The following EVC2 variants were observed in gnomAD, a reference collection of about 807,000 sequenced individuals.
EVC2 encodes limbin.
Under a neutral mutation model 149.3 loss-of-function variants are expected in EVC2, and 148 were observed. The observed-to-expected ratio is 0.99, with a 90% CI of 0.87 to 1.14. EVC2 has a LOEUF of 1.14. Ranked by LOEUF, EVC2 falls within the 50% of genes most tolerant of loss-of-function variation. The pLI, the probability that EVC2 is intolerant of heterozygous loss-of-function variation, is 0.00. For missense variants in EVC2, 1,854 were observed against 1,627.3 expected, an observed-to-expected ratio of 1.14 and a Z score of -2.40; for synonymous variants, 776 against 649.9, an observed-to-expected ratio of 1.19 and a Z score of -2.95.
the EVC2 span, among the ~76,000 whole-genome samples, chr4:5,536,008 C>A: frequency 6.6e-6 from 1 of 151,982 alleles, no homozygotes; most frequent in Non-Finnish European, 1.5e-5. Context: ...CCCTGTTTAG[C>A]CTCTGCCCAT....
intron 1 of EVC2, among the ~76,000 whole-genome samples, chr4:5,702,917 C>A (rs1721913982): frequency 6.6e-6 from 1 of 152,070 alleles, no homozygotes; most frequent in Non-Finnish European, 1.5e-5. Flanking sequence ...AAAGATTAAA[C>A]CAGAAAATAA....
At chr4:5,617,952 C>T (rs1175796936) in intron 15 of EVC2, among the ~76,000 whole-genome samples, 1 of 152,134 alleles carries the variant, frequency 6.6e-6, no homozygotes, top group East Asian at 1.9e-4. Flanking sequence ...GGAGCAAAAA[C>T]TGTACCAAAG....
At chr4:5,535,327 A>T in the EVC2 span, among the ~76,000 whole-genome samples, 2 of 152,170 alleles carry the variant, frequency 1.3e-5, no homozygotes, top group Non-Finnish European at 2.9e-5. The surrounding 1 kb of genome is among the most constrained non-coding windows in gnomAD (Gnocchi z 4.7). Context: ...GCCTCATCCA[A>T]GCATTTTTCT....
At chr4:5,661,264 G>T (rs953129659) in intron 9 of EVC2, among the ~76,000 whole-genome samples, 1 of 152,308 alleles carries the variant, frequency 6.6e-6, no homozygotes, top group Middle Eastern at 3.4e-3. Flanking sequence ...AAAATCATCA[G>T]ATATAACCAA....
intron 1 of EVC2, among the ~76,000 whole-genome samples, chr4:5,700,944 G>C (rs1175776491): frequency 7.2e-5 from 11 of 152,370 alleles, no homozygotes; most frequent in South Asian, 2.1e-4. Context: ...CACTGCAAAT[G>C]TAGTGGCTTA....
At chr4:5,665,130 C>A (rs1577226013) in intron 8 of EVC2, among the ~76,000 whole-genome samples, 1 of 152,046 alleles carries the variant, frequency 6.6e-6, no homozygotes, top group African/African-American at 2.4e-5. Flanking sequence ...GTTCTCCCAC[C>A]TGGTTGCTGC....
At chr4:5,541,741 T>G (rs772274607), downstream of EVC2, among the ~76,000 whole-genome samples, 10 of 152,162 alleles carry the variant, frequency 6.6e-5, no homozygotes, top group Admixed American at 1.3e-4. Flanking sequence ...TGAGCCTTGT[T>G]TTCCTTTTCT....
chr4:5,644,363 G>C (rs1401414347), intron 9 of EVC2, among the ~76,000 whole-genome samples: 1 of 152,112 alleles, frequency 6.6e-6, no homozygotes, highest in African/African-American at 2.4e-5. Flanking sequence ...AGAGTGCAGT[G>C]GTGTGATCTC....
At chr4:5,568,766 A>G in intron 19 of EVC2, 126 bp from the exon 20 acceptor site, 1 of 1,180,474 alleles carries the variant, frequency 8.5e-7, no homozygotes, top group Non-Finnish European at 1.2e-6. Context: ...CTTAGTCTGG[A>G]AAACATGTTC....
At chr4:5,620,244 C>T (rs1026473852) in intron 14 of EVC2, among the ~76,000 whole-genome samples, 12 of 152,172 alleles carry the variant, frequency 7.9e-5, no homozygotes, top group Admixed American at 4.6e-4. Context: ...TTGCTGATTA[C>T]GCCGAATCCA....
At chr4:5,647,413 T>C (rs1717799232) in intron 9 of EVC2, among the ~76,000 whole-genome samples, 1 of 152,216 alleles carries the variant, frequency 6.6e-6, no homozygotes, top group African/African-American at 2.4e-5. Flanking sequence ...TAGATTAAAA[T>C]AGCTTCCGTC....
Position 5,594,771 on chromosome 4 carries a change from C to T in EVC2, c.2830-9921G>A, listed in dbSNP as rs540801426. Among the ~76,000 whole-genome samples the T allele has an allele frequency of 7.6e-4, 115 of 152,258 alleles. 1 individual carries two copies. Among genetic ancestry groups the T allele is most frequent in the African/African-American group, 2.6e-3 (110 of 41,540 alleles). ...AAGGCTTCAGACGATCAAACTACTC[C>T]AAGCTACGGGAGGAAATTCAAACTG... On this transcript the variant is annotated intron_variant, in intron 16 of 21. Coordinates refer to ENST00000344408, the MANE Select transcript of EVC2 (RefSeq NM_147127.5).
At chr4:5,651,457 T>C (rs1284938239) in intron 9 of EVC2, among the ~76,000 whole-genome samples, 5 of 151,586 alleles carry the variant, frequency 3.3e-5, no homozygotes, top group Non-Finnish European at 7.4e-5. Flanking sequence ...TATGGGTGCA[T>C]GGGTAGGTGG....
At chr4:5,587,949 A>T (rs1255945142) in intron 16 of EVC2, among the ~76,000 whole-genome samples, 1 of 151,804 alleles carries the variant, frequency 6.6e-6, no homozygotes, top group Non-Finnish European at 1.5e-5. Flanking sequence ...TTTAGTTTTT[A>T]CTTCTTCTTT....
rs567850139 is a variant in EVC2, at chr4:5,616,950, A to G, written c.2707-1406T>C. Among the ~76,000 whole-genome samples the G allele has an allele frequency of 6.8e-4, 103 of 152,316 alleles. 1 individual carries two copies. The highest frequency in any genetic ancestry group is 2.4e-3 in the African/African-American group (101 of 41,576). Reference sequence around the variant, plus strand: ...TTCAAGGCAGGGGAACCAGCGGCTTATGGACTCCCTCCCCTCGCTTCGGTG... The same window carrying G: ...TTCAAGGCAGGGGAACCAGCGGCTTGTGGACTCCCTCCCCTCGCTTCGGTG... On this transcript the variant is annotated intron_variant, in intron 15 of 21. Coordinates refer to ENST00000344408, the MANE Select transcript of EVC2 (RefSeq NM_147127.5).
At chr4:5,595,979 C>T (rs574134784) in intron 16 of EVC2, among the ~76,000 whole-genome samples, 10 of 152,254 alleles carry the variant, frequency 6.6e-5, no homozygotes, top group Middle Eastern at 3.4e-3. Flanking sequence ...AGAAGGCCAT[C>T]ACATAATGGT....
chr4:5,655,892 GA>G (rs1718492453), intron 9 of EVC2, among the ~76,000 whole-genome samples: 1 of 152,076 alleles, frequency 6.6e-6, no homozygotes, highest in South Asian at 2.1e-4. Flanking sequence ...ACCCCACAAG[GA>G]TTTCCAGTGG....
intron 5 of EVC2, 58 bp downstream of exon 5, chr4:5,689,099 G>A (rs146066980): frequency 1.3e-6 from 2 of 1,585,818 alleles, no homozygotes; most frequent in African/African-American, 1.3e-5. Context: ...CATTCACCTG[G>A]AAGTATCTGT....
rs900466909 is a variant in EVC2, at chr4:5,663,196, A to G, written c.1056T>C (p.Asp352=). Residue 352 remains aspartate, a synonymous_variant, in exon 9 of 22, where the codon GAT becomes GAC. Coordinates refer to ENST00000344408, the MANE Select transcript of EVC2 (RefSeq NM_147127.5). Reference sequence around the variant, plus strand: ...TAAGGGAAAGGTCCTCATTCACGCCATCAGCTGAGGTGAACGGCAAGGGTT... The same window carrying G: ...TAAGGGAAAGGTCCTCATTCACGCCGTCAGCTGAGGTGAACGGCAAGGGTT... The part of the protein sequence containing the change: ...KLEPLPFTSA[D]GVNEDLSLND... 6.8e-6 allele frequency: 11 copies of G among 1,614,030 alleles called. No homozygotes were observed. Among genetic ancestry groups the G allele is most frequent in the Non-Finnish European group, 9.3e-6 (11 of 1,180,042 alleles).
Sources: gnomAD v4.1 joint callset for allele counts (sites outside exome capture counted in the v4.1 genomes callset) on GRCh38, gnomAD v4.1.1 for gene constraint, Gnocchi (gnomAD v3.1) non-coding constraint, MANE v1.5 for transcripts, NCBI Gene and HGNC (gene_info 2026-07-23, HGNC 2026-07-21) for gene names.